Variants in CHCHD6 observed in about 807,000 individuals in gnomAD.
CHCHD6 encodes the protein MICOS complex subunit MIC25.
Under a neutral mutation model 32.3 loss-of-function variants are expected in CHCHD6, and 28 were observed. That is an observed-to-expected ratio of 0.87 (90% CI 0.64 to 1.19). The LOEUF (loss-of-function observed/expected upper bound fraction) is 1.19. Ranked by LOEUF, CHCHD6 falls within the 50% of genes most tolerant of loss-of-function variation. CHCHD6 has a pLI of 0.00. For missense variants in CHCHD6, 333 were observed against 307.0 expected (o/e 1.08, Z -0.63); for synonymous variants, 122 against 117.5 (o/e 1.04, Z -0.25).
intron 4 of CHCHD6, among the ~76,000 whole-genome samples, chr3:126,753,404 G>A (rs1170933053): frequency 1.3e-5 from 2 of 152,222 alleles, no homozygotes; most frequent in Non-Finnish European, 2.9e-5. Context: ...TGAGGCACTC[G>A]TAGCTGGGTG....
chr3:126,749,685 C>A (rs1452414472), intron 4 of CHCHD6, among the ~76,000 whole-genome samples: 1 of 152,220 alleles, frequency 6.6e-6, no homozygotes, highest in Non-Finnish European at 1.5e-5. Context: ...TGCTCCATTT[C>A]TCTTCAGTTC....
intron 1 of CHCHD6, among the ~76,000 whole-genome samples, chr3:126,710,769 T>C (rs1004307584): frequency 5.9e-5 from 9 of 152,218 alleles, no homozygotes; most frequent in African/African-American, 2.2e-4. Context: ...GGTTTCTGTA[T>C]ATTGACTTTG....
rs569488981 is a variant in CHCHD6 at position 126,795,895 on chromosome 3, T to C, written c.412-56752T>C. ...CTGTATTTATGTTAGAGGAGCCTTC[T>C]TGCTTTGGGCAAGGAGAATGGGTAT... On this transcript the variant is annotated intron_variant, in intron 4 of 7. Transcript: ENST00000290913. Among the ~76,000 whole-genome samples, 4 of 152,316 alleles carry C rather than the reference T, an allele frequency of 2.6e-5. No homozygotes were observed. The South Asian group carries it at 6.2e-4, about 24-fold the overall frequency.
chr3:126,752,150 G>T (rs942795646), intron 4 of CHCHD6, among the ~76,000 whole-genome samples: 8 of 152,208 alleles, frequency 5.3e-5, no homozygotes, highest in Non-Finnish European at 1.2e-4. Flanking sequence ...GGCTCTGGGT[G>T]CAGGAGCTGT....
At chr3:126,739,943 A>G (rs768110883) in intron 4 of CHCHD6, among the ~76,000 whole-genome samples, 3 of 152,316 alleles carry the variant, frequency 2.0e-5, no homozygotes, top group South Asian at 2.1e-4. Context: ...CATCATATGC[A>G]GGAGACCAGT....
At chr3:126,767,708 G>C (rs1937435337) in intron 4 of CHCHD6, among the ~76,000 whole-genome samples, 1 of 152,138 alleles carries the variant, frequency 6.6e-6, no homozygotes, top group African/African-American at 2.4e-5. Context: ...AATTAGCCTA[G>C]TACCCAAAGG....
intron 5 of CHCHD6, among the ~76,000 whole-genome samples, chr3:126,895,710 G>A (rs1400735924): frequency 6.6e-6 from 1 of 152,208 alleles, no homozygotes. Context: ...GACTCCTGCT[G>A]GCCCCAAACT....
intron 5 of CHCHD6, among the ~76,000 whole-genome samples, chr3:126,888,055 T>C (rs2077702713): frequency 6.6e-6 from 1 of 152,186 alleles, no homozygotes; most frequent in African/African-American, 2.4e-5. Flanking sequence ...TGAGGGGCCC[T>C]CAGCCAGAGT....
chr3:126,779,379 A>C (rs1359606504), intron 4 of CHCHD6, among the ~76,000 whole-genome samples: 1 of 152,036 alleles, frequency 6.6e-6, no homozygotes, highest in Non-Finnish European at 1.5e-5. Flanking sequence ...TCCACTAAAA[A>C]TACAAAAATT....
At position 126,805,892 on chromosome 3, in the gene CHCHD6, ATGC is replaced by A. The variant is rs1464070550; in HGVS notation, c.412-46754_412-46752del. On this transcript the variant is annotated intron_variant, in intron 4 of 7. Transcript: ENST00000290913. ...GAACAGAACAGAGCCCTCAGAAATA[ATGC>A]CACATATCTACAACTATTGATCTTT... 3.3e-5 allele frequency among the ~76,000 whole-genome samples: 5 copies of A among 152,344 alleles called. No homozygotes were observed. The East Asian group carries it at 9.6e-4, about 29-fold the overall frequency.
At chr3:126,876,430 G>A (rs2077539894) in intron 5 of CHCHD6, among the ~76,000 whole-genome samples, 2 of 152,228 alleles carry the variant, frequency 1.3e-5, no homozygotes, top group Admixed American at 6.5e-5. Context: ...TTGTGTGTGA[G>A]TTAACAGGCC....
At chr3:126,903,113 G>A (rs979782451) in intron 5 of CHCHD6, among the ~76,000 whole-genome samples, 6 of 152,286 alleles carry the variant, frequency 3.9e-5, no homozygotes, top group Admixed American at 3.9e-4. Context: ...GTGGCTGGCC[G>A]CTGTCAGGAG....
At chr3:126,861,543 C>A (rs530805073) in intron 5 of CHCHD6, among the ~76,000 whole-genome samples, 38 of 143,372 alleles carry the variant, frequency 2.7e-4, no homozygotes, top group African/African-American at 9.6e-4. Flanking sequence ...CCACCACCAC[C>A]AGCACCACCA....
Position 126,825,287 on chromosome 3 carries a change from G to A in CHCHD6, c.412-27360G>A, listed in dbSNP as rs1171188142. Reference sequence around the variant, plus strand: ...GGTACTTAAATAATATACATTGTATGATTTCAGAGAAATGTGTTGGGATGT... The same window carrying A: ...GGTACTTAAATAATATACATTGTATAATTTCAGAGAAATGTGTTGGGATGT... On this transcript the variant is annotated intron_variant, in intron 4 of 7. Coordinates refer to ENST00000290913, the MANE Select transcript of CHCHD6 (RefSeq NM_032343.3). Among the ~76,000 whole-genome samples the A allele has an allele frequency of 2.6e-5, 4 of 152,042 alleles. No homozygotes were observed. In the East Asian group the frequency reaches 7.7e-4, roughly 29 times the overall value.
chr3:126,736,463 G>A (rs1331564847), intron 4 of CHCHD6, among the ~76,000 whole-genome samples: 2 of 152,206 alleles, frequency 1.3e-5, no homozygotes, highest in Non-Finnish European at 2.9e-5. Flanking sequence ...AGGATTTCCT[G>A]TTGTACTGAG....
chr3:126,788,857 C>T (rs982931814), intron 4 of CHCHD6, among the ~76,000 whole-genome samples: 3 of 152,166 alleles, frequency 2.0e-5, no homozygotes, highest in African/African-American at 7.2e-5. Flanking sequence ...TTCTTGCCTT[C>T]TGCTAGCTTT....
intron 4 of CHCHD6, among the ~76,000 whole-genome samples, chr3:126,838,791 G>A (rs567123901): frequency 1.3e-5 from 2 of 152,238 alleles, no homozygotes; most frequent in African/African-American, 4.8e-5. Context: ...TTGAACCCAA[G>A]CCTCTTAAAC....
chr3:126,883,280 G>C (rs2077636048), intron 5 of CHCHD6, among the ~76,000 whole-genome samples: 1 of 152,198 alleles, frequency 6.6e-6, no homozygotes, highest in Admixed American at 6.5e-5. Flanking sequence ...GAGGCTGTGG[G>C]AACCCCAACT....
chr3:126,881,992 A>T (rs941752388), intron 5 of CHCHD6, among the ~76,000 whole-genome samples: 1 of 152,170 alleles, frequency 6.6e-6, no homozygotes, highest in Non-Finnish European at 1.5e-5. Flanking sequence ...CACGTCCTGG[A>T]TTCCAAAGGA....
Sources: allele counts gnomAD v4.1 joint callset (sites outside exome capture counted in the v4.1 genomes callset), GRCh38; gene constraint gnomAD v4.1.1; transcripts MANE v1.5; gene names NCBI Gene and HGNC (gene_info 2026-07-23, HGNC 2026-07-21).